The following WDR88 variants were observed in gnomAD, a reference collection of about 807,000 sequenced individuals.
WDR88 encodes WD repeat-containing protein 88.
In WDR88, 40 loss-of-function variants were observed where a neutral mutation model predicts 46.8. The ratio of observed to expected loss-of-function variants is 0.86; its 90% CI spans 0.66 to 1.11. The LOEUF (loss-of-function observed/expected upper bound fraction) is 1.11. Ranked by LOEUF, WDR88 falls within the 50% of genes most tolerant of loss-of-function variation. WDR88 has a pLI of 0.00. For missense variants in WDR88, 562 were observed against 602.4 expected (o/e 0.93, Z 0.70); for synonymous variants, 235 against 240.7 (o/e 0.98, Z 0.22).
intron 7 of WDR88, among the ~76,000 whole-genome samples, chr19:33,159,383 TAAC>T (rs1568368340): frequency 6.5e-5 from 9 of 139,070 alleles, no homozygotes; most frequent in Non-Finnish European, 1.1e-4. Context: ...AATAAATAAA[TAAC>T]AAATAAAATG....
At position 33,133,198 on chromosome 19, in the gene WDR88, T is replaced by A. The variant is rs2545667; in HGVS notation, c.276+753T>A. Among the ~76,000 whole-genome samples the A allele has an allele frequency of 9.5e-3, 762 of 79,802 alleles. 13 individuals carry two copies. The highest frequency in any genetic ancestry group is 0.019 in the African/African-American group (573 of 30,674). The allele number at this position is 79,802 out of a possible 152,430, so 52.4% of individuals were successfully genotyped here. On this transcript the variant is annotated intron_variant, in intron 1 of 10. Transcript: ENST00000355868. ...AAATAAATAAATAAATAAATAAATATAGAGAGAGAGAGAGAAAGAAAGAAA... is the reference window on the plus strand; with the variant it reads ...AAATAAATAAATAAATAAATAAATAAAGAGAGAGAGAGAGAAAGAAAGAAA...
intron 2 of WDR88, 144 bp from the exon 3 acceptor site, chr19:33,144,700 G>A (rs1973474624): frequency 1.4e-6 from 1 of 715,184 alleles, no homozygotes; most frequent in South Asian, 1.6e-5. Flanking sequence ...TTCCTCTTTC[G>A]GAGCTGAGTG....
chr19:33,143,148 A>G (rs558550307), intron 2 of WDR88, among the ~76,000 whole-genome samples: 1 of 151,820 alleles, frequency 6.6e-6, no homozygotes, highest in South Asian at 2.1e-4. Flanking sequence ...TGGGCAATGT[A>G]GCAAGACCCT....
intron 7 of WDR88, among the ~76,000 whole-genome samples, chr19:33,159,742 T>C (rs1335125081): frequency 3.3e-5 from 5 of 152,120 alleles, no homozygotes; most frequent in African/African-American, 4.8e-5. Flanking sequence ...GAAGACAACT[T>C]TTCCACAAAT....
At chr19:33,134,493 A>T (rs926965751) in intron 1 of WDR88, among the ~76,000 whole-genome samples, 61 of 151,942 alleles carry the variant, frequency 4.0e-4, no homozygotes, top group Non-Finnish European at 6.5e-4. Flanking sequence ...GCACCCAGCC[A>T]ATTTAATTTC....
chr19:33,133,207 A>G (rs1167492134), intron 1 of WDR88, among the ~76,000 whole-genome samples: 1 of 148,966 alleles, frequency 6.7e-6, no homozygotes, highest in African/African-American at 2.5e-5. Flanking sequence ...ATAGAGAGAG[A>G]GAGAGAAAGA....
Position 33,147,557 on chromosome 19 carries a change from T to C in WDR88, c.477-88T>C, listed in dbSNP as rs1973544399. 1.8e-5 allele frequency: 24 copies of C among 1,302,140 alleles called. No homozygotes were observed. The South Asian group carries it at 3.0e-4, about 16-fold the overall frequency. 80.7% of individuals were successfully genotyped at this position (1,302,140 alleles called of 1,614,324 possible). On this transcript the variant is annotated intron_variant, in intron 3 of 10. Transcript: ENST00000355868. ...GGTGGAGGTTGCAGTGAGCCGGTAT[T>C]GCACCACTGCACTCCAGCTGGGGCA... is the stretch of plus-strand genomic sequence containing the variant.
chr19:33,144,444 C>T (rs1973468100), intron 2 of WDR88, among the ~76,000 whole-genome samples: 1 of 152,156 alleles, frequency 6.6e-6, no homozygotes, highest in Non-Finnish European at 1.5e-5. Flanking sequence ...AGGTGATCCA[C>T]CCACCTCGGC....
At chr19:33,158,113 G>A (rs1161973296) in intron 7 of WDR88, among the ~76,000 whole-genome samples, 1 of 152,118 alleles carries the variant, frequency 6.6e-6, no homozygotes, top group Admixed American at 6.6e-5. Flanking sequence ...CAGCTCCAGG[G>A]AGGGAAGTGG....
Position 33,144,769 on chromosome 19 carries a change from T to C in WDR88, c.388-75T>C. On this transcript the variant is annotated intron_variant, in intron 2 of 10. Coordinates refer to ENST00000355868, the MANE Select transcript of WDR88 (RefSeq NM_173479.4). ...CTACCAGAGATAAGCTAAGGGCTAA[T>C]GTTGACCTCGATTTACGACTTCAGC... 7 of 1,373,376 alleles carry C rather than the reference T, an allele frequency of 5.1e-6. No individual in the cohort carries two copies. The South Asian group carries it at 8.7e-5, about 17-fold the overall frequency. The allele number at this position is 1,373,376 out of a possible 1,614,324, so 85.1% of individuals were successfully genotyped here.
chr19:33,141,292 C>T (rs1335402629), intron 2 of WDR88, among the ~76,000 whole-genome samples: 1 of 143,106 alleles, frequency 7.0e-6, no homozygotes, highest in Non-Finnish European at 1.5e-5. Flanking sequence ...TGCAGTGGTG[C>T]AGTTATGGCT....
intron 7 of WDR88, among the ~76,000 whole-genome samples, chr19:33,157,595 GTATA>G (rs1973768127): frequency 7.0e-6 from 1 of 142,062 alleles, no homozygotes; most frequent in Non-Finnish European, 1.5e-5. Context: ...GTATATATGT[GTATA>G]TATGTATATA....
At chr19:33,147,863 A>G (rs979682089) in intron 4 of WDR88, among the ~76,000 whole-genome samples, 155 bp downstream of exon 4, 1 of 152,090 alleles carries the variant, frequency 6.6e-6, no homozygotes, top group Non-Finnish European at 1.5e-5. Context: ...ACAGATGTGA[A>G]CTGCACCCAC....
chr19:33,137,783 T>C lies in WDR88; in HGVS notation c.383T>C (p.Leu128Pro). The change falls in exon 2 of 11, where the codon CTG (leucine) becomes CCG (proline). Residue 128 changes from leucine (L) to proline (P), a missense_variant. Transcript: ENST00000355868. ...LSGSYDCTVK[L>P]WDPVDGSVVR... is the part of the protein sequence containing the mutation. ...GGCTCCTATGACTGCACTGTGAAGCTGTGGGTAGGTGGCCGGCTGTTAGGT... is the reference window on the plus strand; with the variant it reads ...GGCTCCTATGACTGCACTGTGAAGCCGTGGGTAGGTGGCCGGCTGTTAGGT... 6.2e-7 allele frequency: 1 copy of C among 1,612,564 alleles called. No individual in the cohort carries two copies. Among genetic ancestry groups the C allele is most frequent in the Non-Finnish European group, 8.5e-7 (1 of 1,179,730 alleles).
intron 9 of WDR88, among the ~76,000 whole-genome samples, chr19:33,168,740 A>C (rs1321184980): frequency 1.3e-5 from 2 of 152,208 alleles, no homozygotes; most frequent in Non-Finnish European, 2.9e-5. Context: ...CAGCATTTTC[A>C]TATGAAATTG....
In WDR88 at chr19:33,156,547, G is replaced by A; in HGVS notation, c.997+5G>A. The A allele has an allele frequency of 6.2e-7, 1 of 1,610,326 alleles. No homozygotes were observed. The highest frequency in any genetic ancestry group is 8.5e-7 in the Non-Finnish European group (1 of 1,177,782). On this transcript the variant is annotated splice_donor_5th_base_variant and intron_variant, in intron 7 of 10. Coordinates refer to ENST00000355868, the MANE Select transcript of WDR88 (RefSeq NM_173479.4). ...CCTGTCACTTTGCCAGAGACAGTGA[G>A]TAATTAACATGCAGAAGGCCTCCAT...
intron 9 of WDR88, 69 bp downstream of exon 9, chr19:33,164,334 C>A: frequency 6.8e-7 from 1 of 1,473,068 alleles, no homozygotes; most frequent in Non-Finnish European, 9.5e-7. Context: ...GAGTTATTGC[C>A]AAGTATAAAA....
At chr19:33,171,922 C>T (rs1396676561) in intron 9 of WDR88, among the ~76,000 whole-genome samples, 3 of 152,212 alleles carry the variant, frequency 2.0e-5, no homozygotes, top group African/African-American at 7.2e-5. Flanking sequence ...TACAGGTGCA[C>T]GCCACTGTGC....
In WDR88 at chr19:33,156,353, A is replaced by G. The variant is rs200020892; in HGVS notation, c.810-2A>G. The stretch of plus-strand genomic sequence containing the variant: ...GTGTGCACCCCACCATCTGTGTTTC[A>G]GGGCACATTCCAATGCAATCTCAAA... On this transcript the variant is annotated splice_acceptor_variant, in intron 6 of 10. Transcript: ENST00000355868. LOFTEE classifies it high-confidence loss of function. 1.2e-6 allele frequency: 2 copies of G among 1,613,644 alleles called. No homozygotes were observed. Among genetic ancestry groups the G allele is most frequent in the Non-Finnish European group, 1.7e-6 (2 of 1,179,792 alleles).
Sources: gnomAD v4.1 joint callset for allele counts (sites outside exome capture counted in the v4.1 genomes callset) on GRCh38, gnomAD v4.1.1 for gene constraint, MANE v1.5 for transcripts, NCBI Gene and HGNC (gene_info 2026-07-23, HGNC 2026-07-21) for gene names.